GNAS: variants seen among roughly 807,000 people sequenced by gnomAD.
GNAS encodes protein ALEX.
GNAS carries 8 observed loss-of-function variants against 54.5 expected under a neutral mutation model. The observed-to-expected ratio is 0.15, with a 90% CI of 0.09 to 0.26. GNAS has a LOEUF of 0.26. Ranked by LOEUF, GNAS falls within the 10% of genes least tolerant of loss-of-function variation. The pLI is 1.00. For synonymous variants in GNAS, 204 were observed against 191.4 expected, an observed-to-expected ratio of 1.07 and a Z score of -0.54; for missense variants, 170 against 529.8, an observed-to-expected ratio of 0.32 and a Z score of 6.67.
intron 1 of GNAS, chr20:58,854,406 C>T (rs1600711447): frequency 6.4e-7 from 1 of 1,566,660 alleles, no homozygotes; most frequent in Non-Finnish European, 8.6e-7. Context: ...GTACGGATCC[C>T]CTGCCGCCGG....
At chr20:58,850,419 T>A (rs1317588889) in intron 1 of GNAS, 1 of 397,402 alleles carries the variant, frequency 2.5e-6, no homozygotes, top group African/African-American at 2.1e-5. Flanking sequence ...CTGAACCCGT[T>A]CCTCGACAAA....
Position 58,841,527 on chromosome 20 carries a change from C to T in GNAS, c.43+641C>T. On this transcript the variant is annotated intron_variant, in intron 1 of 12. Coordinates refer to the GNAS transcript ENST00000306090. The surrounding 1 kb of genome is among the most constrained non-coding windows in gnomAD (Gnocchi z 5.0). ...CGCGGGACCTCCGCGCCAGTGCCTC[C>T]AGCTGCCGTGCGCCAGCCTTGGCCG... 2 of 994,316 alleles carry T rather than the reference C, an allele frequency of 2.0e-6. No individual in the cohort carries two copies. The highest frequency in any genetic ancestry group is 2.4e-6 in the Non-Finnish European group (2 of 836,300). 61.6% of individuals were successfully genotyped at this position (994,316 alleles called of 1,614,324 possible). A position where few individuals can be genotyped will look rare whatever the true frequency, so the allele number is the denominator to read the frequency against.
upstream of GNAS, chr20:58,840,692 C>A: frequency 1.2e-6 from 2 of 1,604,144 alleles, no homozygotes; most frequent in Non-Finnish European, 1.7e-6. This position sits in a 1 kb window ranked among gnomAD's most constrained non-coding sequence, Gnocchi z 6.0. Context: ...GGAGCTCAAG[C>A]CCGAGGACAA....
chr20:58,851,341 G>C (rs2086165375), intron 1 of GNAS, among the ~76,000 whole-genome samples: 1 of 152,010 alleles, frequency 6.6e-6, no homozygotes. Context: ...TGGTTCGCCC[G>C]CCTGCAGCTC....
At chr20:58,852,266 G>A (rs2086207797) in intron 1 of GNAS, among the ~76,000 whole-genome samples, 1 of 152,042 alleles carries the variant, frequency 6.6e-6, no homozygotes, top group African/African-American at 2.4e-5. Context: ...ATGGGGGTGG[G>A]GGCTGTTAAA....
At chr20:58,899,996 A>G (rs572902104) in intron 3 of GNAS, 11 of 709,830 alleles carry the variant, frequency 1.5e-5, no homozygotes, top group East Asian at 5.4e-5. Context: ...CTTCCCGGCT[A>G]TGTCCTATCA....
chr20:58,900,425 GTC>G (rs1343393671), intron 3 of GNAS: 2 of 201,518 alleles, frequency 9.9e-6, no homozygotes, highest in Non-Finnish European at 2.0e-5. Flanking sequence ...TGTATCTCGC[GTC>G]TGTCTTCTGT....
rs1240694140 is a variant in GNAS, at chr20:58,841,534, C to G, written c.43+648C>G. 3.0e-6 allele frequency: 3 copies of G among 994,894 alleles called. No individual in the cohort carries two copies. In the South Asian group the frequency reaches 1.4e-4, roughly 46 times the overall value. 61.6% of individuals were successfully genotyped at this position (994,894 alleles called of 1,614,324 possible). ...CCTCCGCGCCAGTGCCTCCAGCTGCCGTGCGCCAGCCTTGGCCGCCACAGC... is the reference window on the plus strand; with the variant it reads ...CCTCCGCGCCAGTGCCTCCAGCTGCGGTGCGCCAGCCTTGGCCGCCACAGC... On this transcript the variant is annotated intron_variant, in intron 1 of 12. Coordinates refer to the GNAS transcript ENST00000306090. This position sits in a 1 kb window ranked among gnomAD's most constrained non-coding sequence, Gnocchi z 5.0.
At chr20:58,906,785 C>G (rs572767707) in intron 6 of GNAS, among the ~76,000 whole-genome samples, 1 of 152,156 alleles carries the variant, frequency 6.6e-6, no homozygotes, top group African/African-American at 2.4e-5. Context: ...CTGCCTCGGC[C>G]TCCCAAAGTG....
Position 58,903,808 on chromosome 20 carries a change from C to T in GNAS, c.432+17C>T, listed in dbSNP as rs748042357. ...TTCCCTCCCGTAAGCTACACCCCGA[C>T]TTGTGTGGCCTTAGCCCCGCCCACC... On this transcript the variant is annotated intron_variant, in intron 5 of 12. Transcript: ENST00000371085. 6.2e-7 allele frequency: 1 copy of T among 1,613,928 alleles called. No individual in the cohort carries two copies. Among genetic ancestry groups the T allele is most frequent in the Non-Finnish European group, 8.5e-7 (1 of 1,179,870 alleles).
At chr20:58,896,921 T>G (rs1278899082) in intron 2 of GNAS, among the ~76,000 whole-genome samples, 1 of 152,138 alleles carries the variant, frequency 6.6e-6, no homozygotes, top group East Asian at 1.9e-4. Context: ...CCTTTACTAG[T>G]CACTAAGCAT....
intron 1 of GNAS, among the ~76,000 whole-genome samples, chr20:58,844,803 A>AAAAAC (rs1351603766): frequency 2.0e-5 from 3 of 152,098 alleles, no homozygotes; most frequent in African/African-American, 7.2e-5. Flanking sequence ...ATCTCAAAAA[A>AAAAAC]AAAACAAAAC....
Position 58,909,556 on chromosome 20 carries a change from G to A in GNAS, c.695G>A (p.Arg232His), listed in dbSNP as rs2146279167. 2 of 1,614,136 alleles carry A rather than the reference G, an allele frequency of 1.2e-6. No homozygotes were observed. Among genetic ancestry groups the A allele is most frequent in the Non-Finnish European group, 1.7e-6 (2 of 1,179,994 alleles). The change falls in exon 9 of 13, where the codon CGC becomes CAC. Residue 232 changes from arginine to histidine, a missense_variant. By Grantham distance (29) the Arg-to-His change is conservative (BLOSUM62 0). Around this residue, in one of 3 missense-constraint regions of GNAS, gnomAD observed 78 missense variants for 251.1 expected, o/e 0.31. Coordinates refer to ENST00000371085, the MANE Select transcript of GNAS (RefSeq NM_000516.7). This position sits in a 1 kb window ranked among gnomAD's most constrained non-coding sequence, Gnocchi z 7.3. ...FDVGGQRDER[R>H]KWIQCFNDVT... is the part of the protein sequence containing the mutation. Reference sequence around the variant, plus strand: ...GTGGGTGGCCAGCGCGATGAACGCCGCAAGTGGATCCAGTGCTTCAACGGT... The same window carrying A: ...GTGGGTGGCCAGCGCGATGAACGCCACAAGTGGATCCAGTGCTTCAACGGT...
At chr20:58,906,905 G>C (rs2091100368) in intron 6 of GNAS, among the ~76,000 whole-genome samples, 1 of 152,248 alleles carries the variant, frequency 6.6e-6, no homozygotes. Flanking sequence ...ATATTCTGAA[G>C]TAGGAGTGTC....
chr20:58,888,118 C>T (rs1040367458), upstream of GNAS, among the ~76,000 whole-genome samples: 2 of 152,180 alleles, frequency 1.3e-5, no homozygotes, highest in Admixed American at 6.5e-5. Context: ...TTTTCTCCTT[C>T]TCCATCAAAC....
chr20:58,890,070 C>T (rs2088995430), upstream of GNAS, among the ~76,000 whole-genome samples: 3 of 151,628 alleles, frequency 2.0e-5, no homozygotes, highest in Non-Finnish European at 4.4e-5. Flanking sequence ...GAACCCGGCG[C>T]GGGAGGCGCT....
rs967482241 is a variant in GNAS, at chr20:58,853,839, G to C, written c.43+12953G>C. On this transcript the variant is annotated intron_variant, in intron 1 of 12. Transcript: ENST00000306090. The surrounding 1 kb of genome is among the most constrained non-coding windows in gnomAD (Gnocchi z 4.4). ...CCTTGCTCCAGGAGGCCCAGGTGCT[G>C]CAGGGGTCCCCGGAGCTCCTCCCGA... 2 of 1,597,040 alleles carry C rather than the reference G, an allele frequency of 1.3e-6. No homozygotes were observed. The highest frequency in any genetic ancestry group is 1.7e-6 in the Non-Finnish European group (2 of 1,172,340).
intron 1 of GNAS, among the ~76,000 whole-genome samples, chr20:58,849,469 T>C (rs562164363): frequency 2.6e-5 from 4 of 152,242 alleles, no homozygotes; most frequent in African/African-American, 4.8e-5. Flanking sequence ...GTAAGTACGA[T>C]TGCCAATTTG....
At position 58,841,761 on chromosome 20, in the gene GNAS, C is replaced by T. The variant is rs1186311653; in HGVS notation, c.43+875C>T. ...CAGGCATGGTCACGTCGGGGTATTG[C>T]CAAGCTTTTGGCGCAGCTGGTCGGG... On this transcript the variant is annotated intron_variant, in intron 1 of 12. Transcript: ENST00000306090. This position sits in a 1 kb window ranked among gnomAD's most constrained non-coding sequence, Gnocchi z 5.0. The T allele has an allele frequency of 1.7e-5, 21 of 1,229,968 alleles. No individual in the cohort carries two copies. The highest frequency in any genetic ancestry group is 2.0e-5 in the Non-Finnish European group (20 of 987,374). 76.2% of individuals were successfully genotyped at this position (1,229,968 alleles called of 1,614,324 possible). A position where few individuals can be genotyped will look rare whatever the true frequency, so the allele number is the denominator to read the frequency against.
Sources: allele counts gnomAD v4.1 joint callset (sites outside exome capture counted in the v4.1 genomes callset), GRCh38; gene constraint gnomAD v4.1.1; regional missense constraint gnomAD v4.1.1; non-coding constraint Gnocchi (gnomAD v3.1); transcripts MANE v1.5; gene names NCBI Gene and HGNC (gene_info 2026-07-23, HGNC 2026-07-21).